DAW1: variants seen among roughly 807,000 people sequenced by gnomAD.
The protein encoded by DAW1 is dynein assembly factor with WD repeats 1, also known as dynein assembly factor with WD repeat domains 1.
In DAW1, 47 loss-of-function variants were observed where a neutral mutation model predicts 56.5. The observed-to-expected ratio is 0.83, with a 90% CI of 0.66 to 1.06. The LOEUF (loss-of-function observed/expected upper bound fraction) is 1.06, where lower values mean the gene tolerates loss of function less well. DAW1 is among the 50% of genes least tolerant of loss of function. The pLI, the probability that DAW1 is intolerant of heterozygous loss-of-function variation, is 0.00. For synonymous variants in DAW1, 190 were observed against 179.0 expected (o/e 1.06, Z -0.49); for missense variants, 505 against 499.3 (o/e 1.01, Z -0.11).
At chr2:227,871,785 G>A in intron 1 of DAW1, 56 bp downstream of exon 1, 1 of 1,607,656 alleles carries the variant, frequency 6.2e-7, no homozygotes, top group Non-Finnish European at 8.5e-7. Flanking sequence ...TCCCAGACTG[G>A]GAGGGTTTGG....
At chr2:227,908,910 A>G (rs1297719426) in intron 10 of DAW1, among the ~76,000 whole-genome samples, 1 of 152,152 alleles carries the variant, frequency 6.6e-6, no homozygotes, top group African/African-American at 2.4e-5. Context: ...GCTAAACTAC[A>G]TCGATACCAT....
chr2:227,902,710 T>G (rs185252549), intron 6 of DAW1, among the ~76,000 whole-genome samples: 4 of 152,210 alleles, frequency 2.6e-5, no homozygotes, highest in Admixed American at 2.6e-4. Flanking sequence ...GCACGGATCT[T>G]AAAGGAGGTG....
intron 11 of DAW1, 93 bp downstream of exon 11, chr2:227,918,949 C>A: frequency 7.9e-7 from 1 of 1,260,200 alleles, no homozygotes; most frequent in Non-Finnish European, 1.1e-6. Flanking sequence ...AATCCCAGCA[C>A]TTTGAGAGGA....
chr2:227,906,919 G>A (rs192564385), intron 9 of DAW1, among the ~76,000 whole-genome samples: 1 of 152,050 alleles, frequency 6.6e-6, no homozygotes, highest in Non-Finnish European at 1.5e-5. Flanking sequence ...TCTGACTTTG[G>A]TTTTCTCTGT....
At chr2:227,907,546 T>A (rs193201152) in intron 10 of DAW1, among the ~76,000 whole-genome samples, 2 of 152,144 alleles carry the variant, frequency 1.3e-5, no homozygotes, top group African/African-American at 2.4e-5. Flanking sequence ...CTCCCTGATT[T>A]TTATTATTAT....
intron 1 of DAW1, among the ~76,000 whole-genome samples, chr2:227,875,567 C>G (rs534608030): frequency 6.6e-6 from 1 of 152,118 alleles, no homozygotes; most frequent in African/African-American, 2.4e-5. Context: ...CTTTCTGCCT[C>G]GAATAATCTA....
intron 7 of DAW1, among the ~76,000 whole-genome samples, chr2:227,904,617 T>C (rs1423907184): frequency 3.9e-5 from 6 of 152,198 alleles, no homozygotes; most frequent in African/African-American, 1.4e-4. Context: ...TTTCCCCAAA[T>C]ACAACCTCTT....
intron 12 of DAW1, among the ~76,000 whole-genome samples, chr2:227,922,717 A>G (rs1307612040): frequency 6.6e-6 from 1 of 152,196 alleles, no homozygotes; most frequent in East Asian, 1.9e-4. Context: ...CTACTTAATG[A>G]TGGACAGTTT....
chr2:227,921,874 A>G (rs191700277), intron 12 of DAW1, among the ~76,000 whole-genome samples: 58 of 152,352 alleles, frequency 3.8e-4, no homozygotes, highest in Non-Finnish European at 6.9e-4. Flanking sequence ...TGAATGGTTA[A>G]TATTTAGTCA....
Position 227,903,073 on chromosome 2 carries a change from G to C in DAW1, c.612G>C (p.Trp204Cys), listed in dbSNP as rs553945416. The part of the protein sequence containing the change: ...TGSMDTTAKL[W>C]DIQNGEEVYT... ...GTATGGACACAACAGCCAAATTGTG[G>C]GACATTCAGAATGGCGAGGAAGTTT... Residue 204 changes from tryptophan to cysteine, a missense_variant, in exon 7 of 13, where the codon TGG becomes TGC. Physicochemically the swap from Trp to Cys is radical, Grantham distance 215. Transcript: ENST00000309931. 2 of 1,614,106 alleles carry C rather than the reference G, an allele frequency of 1.2e-6. No individual in the cohort carries two copies. Among genetic ancestry groups the C allele is most frequent in the Admixed American group, 3.3e-5 (2 of 60,014 alleles).
intron 1 of DAW1, among the ~76,000 whole-genome samples, chr2:227,877,860 A>C (rs1011805395): frequency 6.6e-6 from 1 of 152,222 alleles, no homozygotes; most frequent in Non-Finnish European, 1.5e-5. Flanking sequence ...ACAGACTGGT[A>C]CTGGTCCAGG....
At chr2:227,910,348 C>T (rs555930427) in intron 10 of DAW1, among the ~76,000 whole-genome samples, 1 of 152,148 alleles carries the variant, frequency 6.6e-6, no homozygotes, top group South Asian at 2.1e-4. Flanking sequence ...TGGCATGCAC[C>T]TGTAGACCTA....
chr2:227,922,161 A>G (rs992588109), intron 12 of DAW1, among the ~76,000 whole-genome samples: 1 of 152,214 alleles, frequency 6.6e-6, no homozygotes, highest in African/African-American at 2.4e-5. Flanking sequence ...TCAAGAAAAA[A>G]GTTGAGTTTA....
At chr2:227,923,898 A>G (rs1302751345) in intron 12 of DAW1, 36 bp from the exon 13 acceptor site, 1 of 1,611,224 alleles carries the variant, frequency 6.2e-7, no homozygotes, top group East Asian at 2.2e-5. Flanking sequence ...GAATGAAATG[A>G]AGAAAAAAAT....
In DAW1 at chr2:227,900,976, T is replaced by C. The variant is rs1467430677; in HGVS notation, c.541-2026T>C. Among the ~76,000 whole-genome samples, 4 of 152,178 alleles carry C rather than the reference T, an allele frequency of 2.6e-5. No individual in the cohort carries two copies. The East Asian group carries it at 7.7e-4, about 29-fold the overall frequency. ...TTATATACTATGCTAAGGAATTGGA[T>C]TTTATTTTGTAGGTAATGGCACACT... is the stretch of plus-strand genomic sequence containing the variant. On this transcript the variant is annotated intron_variant, in intron 6 of 12. Transcript: ENST00000309931.
intron 1 of DAW1, among the ~76,000 whole-genome samples, chr2:227,883,389 A>C (rs1474480245): frequency 6.6e-6 from 1 of 152,238 alleles, no homozygotes; most frequent in East Asian, 1.9e-4. Context: ...ATAACTTAGT[A>C]GATCAGTATT....
At chr2:227,923,574 A>G (rs1715835) in intron 12 of DAW1, among the ~76,000 whole-genome samples, 29,753 of 152,032 alleles carry the variant, frequency 0.2, 3,200 homozygotes, top group Middle Eastern at 0.32. Context: ...AAACCTGGAG[A>G]TATTCAAAGT....
intron 12 of DAW1, among the ~76,000 whole-genome samples, chr2:227,922,811 A>G (rs796934623): frequency 4.6e-5 from 7 of 152,356 alleles, no homozygotes; most frequent in African/African-American, 1.4e-4. Context: ...CTTTGAAAGC[A>G]CTGGGAAAAC....
chr2:227,915,672 T>C (rs1418344011), intron 10 of DAW1, among the ~76,000 whole-genome samples: 1 of 152,104 alleles, frequency 6.6e-6, no homozygotes, highest in Non-Finnish European at 1.5e-5. Context: ...AGACTCTGTT[T>C]TGGTCTTCTT....
Sources: gnomAD v4.1 joint callset for allele counts (sites outside exome capture counted in the v4.1 genomes callset) on GRCh38, gnomAD v4.1.1 for gene constraint, MANE v1.5 for transcripts, NCBI Gene and HGNC (gene_info 2026-07-23, HGNC 2026-07-21) for gene names.